CCDC73: variants seen among roughly 807,000 people sequenced by gnomAD.
The protein encoded by CCDC73 is coiled-coil domain-containing protein 73.
A neutral mutation model predicts 116.5 loss-of-function variants in CCDC73; 95 were observed. That is an observed-to-expected ratio of 0.82 (90% CI 0.69 to 0.97). CCDC73 has a LOEUF of 0.97. CCDC73 is among the 50% of genes least tolerant of loss of function. CCDC73 has a pLI of 0.00. For synonymous variants in CCDC73, 398 were observed against 401.3 expected, an observed-to-expected ratio of 0.99 and a Z score of 0.10; for missense variants, 1,066 against 1,206.8, an observed-to-expected ratio of 0.88 and a Z score of 1.73.
At chr11:32,645,291 CTTTT>C (rs397689348) in intron 12 of CCDC73, among the ~76,000 whole-genome samples, 3 of 121,078 alleles carry the variant, frequency 2.5e-5, no homozygotes, top group Non-Finnish European at 5.2e-5. Context: ...TTTTCTTTTT[CTTTT>C]TTTTTTTTTT....
At chr11:32,625,819 G>A (rs1290189919) in intron 14 of CCDC73, among the ~76,000 whole-genome samples, 1 of 151,892 alleles carries the variant, frequency 6.6e-6, no homozygotes, top group Non-Finnish European at 1.5e-5. Context: ...AGGTATTGAT[G>A]GGACGTATCT....
At position 32,630,342 on chromosome 11, in the gene CCDC73, G is replaced by C. The variant is rs184518460; in HGVS notation, c.1185+5354C>G. ...TTGTTTGTTTGTTTTGTTTTGTTTT[G>C]TTTTGCGGGGAAGGGAGAGGGAGAT... On this transcript the variant is annotated intron_variant, in intron 14 of 17. Transcript: ENST00000335185. Among the ~76,000 whole-genome samples, 632 of 152,272 alleles carry C rather than the reference G, an allele frequency of 4.2e-3. 3 individuals are homozygous for C. Among genetic ancestry groups the C allele is most frequent in the African/African-American group, 0.015 (603 of 41,546 alleles).
chr11:32,649,695 T>C (rs115108025), intron 12 of CCDC73, among the ~76,000 whole-genome samples: 1 of 152,316 alleles, frequency 6.6e-6, no homozygotes, highest in African/African-American at 2.4e-5. Context: ...GACAAAACAT[T>C]CACTAGTCCA....
intron 1 of CCDC73, among the ~76,000 whole-genome samples, chr11:32,780,861 G>A (rs944602898): frequency 6.6e-6 from 1 of 152,192 alleles, no homozygotes; most frequent in African/African-American, 2.4e-5. Context: ...GTGGAACCAG[G>A]ACATGAACCC....
intron 9 of CCDC73, among the ~76,000 whole-genome samples, chr11:32,663,576 T>G (rs958125417): frequency 2.0e-5 from 3 of 152,216 alleles, no homozygotes; most frequent in African/African-American, 7.2e-5. Context: ...AAGGAGATTT[T>G]GGGCTGAGAC....
the CCDC73 span, among the ~76,000 whole-genome samples, chr11:32,817,162 C>T: frequency 1.3e-5 from 2 of 152,116 alleles, no homozygotes; most frequent in Admixed American, 6.5e-5. Context: ...TAGCTAGTGA[C>T]GAGAAGAGAA....
intron 1 of CCDC73, among the ~76,000 whole-genome samples, chr11:32,766,767 C>T (rs1008447760): frequency 7.5e-4 from 114 of 152,200 alleles, no homozygotes; most frequent in African/African-American, 2.7e-3. Context: ...TTACAAGGGA[C>T]ATGAAGGACC....
chr11:32,749,986 T>C (rs1298681722), intron 2 of CCDC73, among the ~76,000 whole-genome samples: 1 of 151,666 alleles, frequency 6.6e-6, no homozygotes, highest in Non-Finnish European at 1.5e-5. Context: ...TTCTCCTGCC[T>C]CAGCCTCCCA....
chr11:32,625,978 A>G (rs1313461190), intron 14 of CCDC73, among the ~76,000 whole-genome samples: 6 of 135,232 alleles, frequency 4.4e-5, no homozygotes, highest in Non-Finnish European at 9.8e-5. Flanking sequence ...AGTTCTGGCC[A>G]GGGCAGTCAG....
intron 2 of CCDC73, among the ~76,000 whole-genome samples, chr11:32,750,276 T>TGCACTGGGTCAGACCTGAACCCAGTACA (rs1236991703): frequency 6.6e-6 from 1 of 152,180 alleles, no homozygotes; most frequent in Non-Finnish European, 1.5e-5. Context: ...CCACTGGGAC[T>TGCACTGGGTCAGACCTGAACCCAGTACA]GCACTGGGTC....
intron 6 of CCDC73, among the ~76,000 whole-genome samples, chr11:32,697,977 C>T (rs1332278571): frequency 6.7e-6 from 1 of 149,748 alleles, no homozygotes; most frequent in Non-Finnish European, 1.5e-5. Flanking sequence ...CTCAAGTAGG[C>T]CCCAGTGTCT....
At chr11:32,727,500 G>A (rs1188674546) in intron 2 of CCDC73, among the ~76,000 whole-genome samples, 1 of 152,188 alleles carries the variant, frequency 6.6e-6, no homozygotes, top group African/African-American at 2.4e-5. Flanking sequence ...GTGTCACTAT[G>A]TAACTACCTT....
chr11:32,626,593 T>G (rs76198385), intron 14 of CCDC73, among the ~76,000 whole-genome samples: 65,850 of 151,956 alleles, frequency 0.43, 14,699 homozygotes, highest in African/African-American at 0.49. Context: ...ATGGCTACAG[T>G]AACCAAAACA....
chr11:32,709,613 C>T (rs773125422), intron 3 of CCDC73, among the ~76,000 whole-genome samples: 2 of 152,034 alleles, frequency 1.3e-5, no homozygotes, highest in Admixed American at 6.5e-5. Flanking sequence ...GGATTTGGAT[C>T]GCTAGTATTT....
chr11:32,771,165 A>C (rs1208504243), intron 1 of CCDC73, among the ~76,000 whole-genome samples: 2 of 152,186 alleles, frequency 1.3e-5, no homozygotes, highest in Non-Finnish European at 2.9e-5. Context: ...TGGCAGCAGC[A>C]CTGCCAGCTT....
At chr11:32,747,433 C>A (rs773053500) in intron 2 of CCDC73, among the ~76,000 whole-genome samples, 1 of 152,166 alleles carries the variant, frequency 6.6e-6, no homozygotes, top group Non-Finnish European at 1.5e-5. Context: ...GCTTGAACAC[C>A]ATGCTGGCGG....
intron 12 of CCDC73, among the ~76,000 whole-genome samples, chr11:32,648,617 T>C (rs112720338): frequency 0.02 from 3,102 of 151,954 alleles, 105 homozygotes; most frequent in African/African-American, 0.069. Context: ...AGTGGTGCAA[T>C]CTCAGCTCAC....
chr11:32,799,092 T>C (rs1182692373), upstream of CCDC73, among the ~76,000 whole-genome samples: 1 of 18,744 alleles, frequency 5.3e-5, no homozygotes, highest in Non-Finnish European at 1.1e-4. Flanking sequence ...TTTCTTTTCA[T>C]TTTTTTTTTT....
chr11:32,731,984 T>C (rs1346471217), intron 2 of CCDC73, among the ~76,000 whole-genome samples: 1 of 152,146 alleles, frequency 6.6e-6, no homozygotes, highest in Non-Finnish European at 1.5e-5. Flanking sequence ...TAAAGGAGCA[T>C]GTTCGAACCC....
Sources: allele counts gnomAD v4.1 joint callset (sites outside exome capture counted in the v4.1 genomes callset), GRCh38; gene constraint gnomAD v4.1.1; transcripts MANE v1.5; gene names NCBI Gene and HGNC (gene_info 2026-07-23, HGNC 2026-07-21).